NLRP9: variants seen among roughly 807,000 people sequenced by gnomAD.
The protein encoded by NLRP9 is NLR family pyrin domain containing 9.
A neutral mutation model predicts 83.1 loss-of-function variants in NLRP9; 88 were observed. That is an observed-to-expected ratio of 1.06 (90% CI 0.89 to 1.26). The LOEUF is 1.26. NLRP9 is among the 50% of genes most tolerant of loss of function. The pLI, the probability that NLRP9 is intolerant of heterozygous loss-of-function variation, is 0.00. For synonymous variants in NLRP9, 521 were observed against 447.6 expected, an observed-to-expected ratio of 1.16 and a Z score of -2.07; for missense variants, 1,308 against 1,179.3, an observed-to-expected ratio of 1.11 and a Z score of -1.60.
intron 6 of NLRP9, among the ~76,000 whole-genome samples, chr19:55,713,869 C>T (rs970843343): frequency 1.1e-5 from 1 of 88,856 alleles, no homozygotes; most frequent in Non-Finnish European, 2.3e-5. Context: ...TCTCCTCCCC[C>T]ATCCTCCCCT....
chr19:55,724,585 TAAGA>T (rs1185834311), intron 3 of NLRP9, among the ~76,000 whole-genome samples: 3 of 151,992 alleles, frequency 2.0e-5, no homozygotes, highest in African/African-American at 7.2e-5. Flanking sequence ...GTTTTAAAAT[TAAGA>T]TTTTTTTTTT....
intron 4 of NLRP9, 77 bp downstream of exon 4, chr19:55,723,903 G>T: frequency 8.5e-7 from 1 of 1,170,534 alleles, no homozygotes; most frequent in Non-Finnish European, 1.2e-6. Flanking sequence ...GACCCTCCAG[G>T]AAGGAAAACA....
At chr19:55,723,727 C>CA (rs10711721) in intron 4 of NLRP9, among the ~76,000 whole-genome samples, 2,016 of 79,446 alleles carry the variant, frequency 0.025, 58 homozygotes, top group South Asian at 0.067. Flanking sequence ...GACCCTGTCT[C>CA]AAAAAAAAAA....
chr19:55,716,684 AC>A (rs1294326835), intron 5 of NLRP9, 43 bp downstream of exon 5: 1 of 1,551,242 alleles, frequency 6.4e-7, no homozygotes, highest in Non-Finnish European at 8.9e-7. Flanking sequence ...ATCCAGGTGC[AC>A]GCTTCAGAAA....
intron 2 of NLRP9, among the ~76,000 whole-genome samples, chr19:55,730,485 T>G (rs905556354): frequency 6.7e-6 from 1 of 149,944 alleles, no homozygotes; most frequent in Non-Finnish European, 1.5e-5. Context: ...CTATTTACAA[T>G]AGCAAAGACA....
rs555875727 is a variant in NLRP9, at chr19:55,716,716, A to C, written c.2330+12T>G. The C allele has an allele frequency of 3.0e-5, 49 of 1,610,584 alleles. 1 individual carries two copies. In the South Asian group the frequency reaches 4.8e-4, roughly 16 times the overall value. On this transcript the variant is annotated intron_variant, in intron 5 of 8. Coordinates refer to ENST00000332836, the MANE Select transcript of NLRP9 (RefSeq NM_176820.4). Reference sequence around the variant, plus strand: ...AGAAATCTCCGAACGTGCTTCCCGCAGACCAACTTACATCAGCCTCTCCAG... The same window carrying C: ...AGAAATCTCCGAACGTGCTTCCCGCCGACCAACTTACATCAGCCTCTCCAG...
At chr19:55,718,881 C>A (rs1988127118) in intron 4 of NLRP9, among the ~76,000 whole-genome samples, 1 of 152,220 alleles carries the variant, frequency 6.6e-6, no homozygotes, top group Non-Finnish European at 1.5e-5. Context: ...GGCTGGCCCC[C>A]TTCACACTCA....
At chr19:55,731,703 G>A (rs547259601) in intron 2 of NLRP9, among the ~76,000 whole-genome samples, 34 of 135,524 alleles carry the variant, frequency 2.5e-4, no homozygotes, top group African/African-American at 9.3e-4. Flanking sequence ...CAGCCTGGGT[G>A]ATAGAGCAAG....
intron 1 of NLRP9, among the ~76,000 whole-genome samples, chr19:55,734,624 T>C (rs142720368): frequency 1.7e-3 from 156 of 90,774 alleles, no homozygotes; most frequent in Middle Eastern, 5.3e-3. Context: ...CACACACATA[T>C]ATATATATAT....
Position 55,729,950 on chromosome 19 carries a change from C to T in NLRP9, c.1875G>A (p.Met625Ile), listed in dbSNP as rs1988523338. 6.2e-7 allele frequency: 1 copy of T among 1,613,560 alleles called. No individual in the cohort carries two copies. The highest frequency in any genetic ancestry group is 1.1e-5 in the South Asian group (1 of 91,054). Residue 625 changes from methionine to isoleucine, a missense_variant, in exon 3 of 9, where the codon ATG (methionine) becomes ATA (isoleucine). Met to Ile is a conservative substitution (Grantham distance 10). Transcript: ENST00000332836. ...KLVYWRELCS[M>I]FITNKNFQIL... ...TCTGGAAGTTCTTGTTGGTAATGAA[C>T]ATTGAGCAAAGCTCCCGCCAGTAGA...
intron 3 of NLRP9, among the ~76,000 whole-genome samples, chr19:55,727,224 C>T (rs1270488892): frequency 6.6e-6 from 1 of 152,130 alleles, no homozygotes; most frequent in Non-Finnish European, 1.5e-5. Flanking sequence ...TGCACTCCAG[C>T]CTGGGCGGCA....
chr19:55,711,688 C>T, intron 8 of NLRP9, 112 bp downstream of exon 8: 2 of 1,080,262 alleles, frequency 1.9e-6, no homozygotes, highest in South Asian at 2.9e-5. Flanking sequence ...GACAGGCCCC[C>T]ACCACAAACA....
intron 1 of NLRP9, among the ~76,000 whole-genome samples, chr19:55,735,636 TC>T (rs1374704151): frequency 6.6e-6 from 1 of 152,178 alleles, no homozygotes; most frequent in African/African-American, 2.4e-5. Context: ...ATTATGGACA[TC>T]TTTCTAAATT....
rs1195221507 is a variant in NLRP9, at chr19:55,724,008, G to A, written c.2131C>T (p.His711Tyr). 1 of 1,613,824 alleles carries A rather than the reference G, an allele frequency of 6.2e-7. No individual in the cohort carries two copies. Among genetic ancestry groups the A allele is most frequent in the African/African-American group, 1.3e-5 (1 of 74,912 alleles). Residue 711 changes from histidine (H) to tyrosine (Y), a missense_variant, in exon 4 of 9, where the codon CAT becomes TAT. Transcript: ENST00000332836. ...AGCTCTTCTATCTTGCACATTGGAT[G>A]TTTCAGCGTCTCACACAGGTGTCTG... is the stretch of plus-strand genomic sequence containing the variant. ...DIRHLCETLKHPMCKIEELIL... is the reference protein window; with the variant it reads ...DIRHLCETLKYPMCKIEELIL...
At chr19:55,730,927 TAAA>T in intron 2 of NLRP9, among the ~76,000 whole-genome samples, 1 of 150,530 alleles carries the variant, frequency 6.6e-6, no homozygotes, top group East Asian at 1.9e-4. Context: ...AAGTTGGAAA[TAAA>T]AAAAAAGAAA....
rs775670120 is a variant in NLRP9 at position 55,733,325 on chromosome 19, C to T, written c.506G>A (p.Trp169Ter). The change falls in exon 2 of 9, where the codon TGG becomes TAG. Residue 169 changes from tryptophan to a stop codon, truncating the protein, a stop_gained. Coordinates refer to ENST00000332836, the MANE Select transcript of NLRP9 (RefSeq NM_176820.4). LOFTEE classifies it high-confidence loss of function. ...GTCCTTCCATAAGTTTCCCTCTGCC[C>T]AGTCCAACATCACTTTTCTTAAAAG... ...TTLLRKVMLD[W>*]AEGNLWKDRF... is the part of the protein sequence containing the mutation. 47 of 1,614,072 alleles carry T rather than the reference C, an allele frequency of 2.9e-5. No homozygotes were observed. The highest frequency in any genetic ancestry group is 3.9e-5 in the Non-Finnish European group (46 of 1,179,902).
chr19:55,728,400 C>T (rs1988462245), intron 3 of NLRP9, among the ~76,000 whole-genome samples: 1 of 152,088 alleles, frequency 6.6e-6, no homozygotes, highest in Admixed American at 6.6e-5. Flanking sequence ...CATGATGAAA[C>T]CCCGTCTCTA....
Position 55,738,197 on chromosome 19 carries a change from C to T in NLRP9, c.178G>A (p.Asp60Asn), listed in dbSNP as rs1171370134. ...GCCTGCTTTCCTGGGTAATGTTTGTCCAGCAGCTTTGCTACATCTTCTTTG... is the reference window on the plus strand; with the variant it reads ...GCCTGCTTTCCTGGGTAATGTTTGTTCAGCAGCTTTGCTACATCTTCTTTG... Reference protein sequence around the residue: ...ASKEDVAKLLDKHYPGKQAWE... With the variant: ...ASKEDVAKLLNKHYPGKQAWE... The change falls in exon 1 of 9, where the codon GAC becomes AAC. Residue 60 changes from aspartate (D) to asparagine (N), a missense_variant. By Grantham distance (23) the Asp-to-Asn change is conservative. Coordinates refer to ENST00000332836, the MANE Select transcript of NLRP9 (RefSeq NM_176820.4). The T allele has an allele frequency of 1.9e-6, 3 of 1,614,022 alleles. No homozygotes were observed. The South Asian group carries it at 3.3e-5, about 18-fold the overall frequency.
At chr19:55,724,832 C>G (rs1291511061) in intron 3 of NLRP9, among the ~76,000 whole-genome samples, 1 of 152,094 alleles carries the variant, frequency 6.6e-6, no homozygotes, top group Admixed American at 6.6e-5. Flanking sequence ...CCAAGGCAGG[C>G]AGATCACATG....
Sources: allele counts gnomAD v4.1 joint callset (sites outside exome capture counted in the v4.1 genomes callset), GRCh38; gene constraint gnomAD v4.1.1; transcripts MANE v1.5; gene names NCBI Gene and HGNC (gene_info 2026-07-23, HGNC 2026-07-21).